Variants in HS3ST5 observed in about 807,000 individuals in gnomAD.
HS3ST5 encodes the protein heparan sulfate glucosamine 3-O-sulfotransferase 5.
HS3ST5 carries 10 observed loss-of-function variants against 25.4 expected under a neutral mutation model. That is an observed-to-expected ratio of 0.39 (90% CI 0.24 to 0.67). HS3ST5 has a LOEUF of 0.67. Ranked by LOEUF, HS3ST5 falls within the 30% of genes least tolerant of loss-of-function variation. The probability of loss-of-function intolerance (pLI) is 0.44; values close to 1 mark genes in which losing one functional copy is unlikely to be tolerated. For synonymous variants in HS3ST5, 170 were observed against 162.4 expected (o/e 1.05, Z -0.36); for missense variants, 324 against 420.7 (o/e 0.77, Z 2.01).
intron 2 of HS3ST5, among the ~76,000 whole-genome samples, chr6:114,214,076 T>C (rs192954072): frequency 2.8e-4 from 43 of 152,352 alleles, no homozygotes; most frequent in African/African-American, 1.0e-3. Flanking sequence ...TCTAACTGCC[T>C]CTTTATGAAG....
chr6:114,090,832 G>A (rs1562192959), intron 3 of HS3ST5, among the ~76,000 whole-genome samples: 1 of 152,180 alleles, frequency 6.6e-6, no homozygotes, highest in East Asian at 1.9e-4. Context: ...CCTGGACGGT[G>A]ACGTGAATTT....
At chr6:114,237,126 T>G (rs569827421) in intron 1 of HS3ST5, among the ~76,000 whole-genome samples, 1 of 152,214 alleles carries the variant, frequency 6.6e-6, no homozygotes, top group African/African-American at 2.4e-5. Context: ...CAAAGACTAA[T>G]GTATTTTTGA....
chr6:114,104,586 T>C (rs1519685), intron 3 of HS3ST5, among the ~76,000 whole-genome samples: 38,088 of 152,090 alleles, frequency 0.25, 4,893 homozygotes, highest in African/African-American at 0.29. Context: ...CTTTACTCGG[T>C]TGTGTTCAGC....
chr6:114,121,645 A>G (rs1776791517), intron 3 of HS3ST5, among the ~76,000 whole-genome samples: 1 of 152,158 alleles, frequency 6.6e-6, no homozygotes, highest in African/African-American at 2.4e-5. Flanking sequence ...TGTTAAAAGA[A>G]TATTTACAAA....
At chr6:114,242,254 A>T (rs1024199591) in intron 1 of HS3ST5, among the ~76,000 whole-genome samples, 1 of 151,970 alleles carries the variant, frequency 6.6e-6, no homozygotes, top group Non-Finnish European at 1.5e-5. Flanking sequence ...AATATTTTGG[A>T]TTTATTTAAT....
intron 2 of HS3ST5, among the ~76,000 whole-genome samples, chr6:114,199,976 G>A (rs1296949853): frequency 1.3e-5 from 2 of 152,172 alleles, no homozygotes; most frequent in Non-Finnish European, 2.9e-5. Context: ...CACTTTGGGA[G>A]GCTAAGGGGG....
At chr6:114,234,431 T>C (rs1771759998) in intron 1 of HS3ST5, among the ~76,000 whole-genome samples, 2 of 151,854 alleles carry the variant, frequency 1.3e-5, no homozygotes, top group South Asian at 4.1e-4. Flanking sequence ...TTTACACTTT[T>C]CCCCTAGAGT....
intron 2 of HS3ST5, among the ~76,000 whole-genome samples, chr6:114,226,904 AAGAG>A (rs925568659): frequency 5.9e-5 from 9 of 152,010 alleles, no homozygotes; most frequent in Non-Finnish European, 1.0e-4. Flanking sequence ...AAAAGAAAGA[AAGAG>A]AGAGATGAGT....
chr6:114,229,647 G>A (rs1018862905), intron 1 of HS3ST5, among the ~76,000 whole-genome samples: 1 of 152,202 alleles, frequency 6.6e-6, no homozygotes, highest in Middle Eastern at 3.2e-3. Flanking sequence ...GTGGTCATGT[G>A]ACCCCACTTT....
intron 1 of HS3ST5, among the ~76,000 whole-genome samples, chr6:114,239,807 T>C (rs961448415): frequency 6.6e-6 from 1 of 152,098 alleles, no homozygotes; most frequent in African/African-American, 2.4e-5. Context: ...AGGTGAACCA[T>C]ATTCTCTGGG....
intron 3 of HS3ST5, among the ~76,000 whole-genome samples, chr6:114,127,171 G>A (rs1479699558): frequency 1.3e-5 from 2 of 152,138 alleles, no homozygotes; most frequent in Non-Finnish European, 2.9e-5. Flanking sequence ...CTGATCATTT[G>A]AGGTCAGGAG....
At chr6:114,128,163 CACCT>C (rs1777143324) in intron 3 of HS3ST5, among the ~76,000 whole-genome samples, 1 of 152,120 alleles carries the variant, frequency 6.6e-6, no homozygotes, top group East Asian at 1.9e-4. Flanking sequence ...TTCTGATATA[CACCT>C]CTGGTTAACC....
chr6:114,258,794 C>T (rs1287767043), intron 1 of HS3ST5, among the ~76,000 whole-genome samples: 1 of 152,140 alleles, frequency 6.6e-6, no homozygotes, highest in Non-Finnish European at 1.5e-5. Flanking sequence ...GGTCTGATCT[C>T]TCCTACTCAT....
At chr6:114,147,144 G>A (rs1296342142) in intron 3 of HS3ST5, among the ~76,000 whole-genome samples, 2 of 152,152 alleles carry the variant, frequency 1.3e-5, no homozygotes, top group Non-Finnish European at 2.9e-5. Context: ...CACATTACCA[G>A]CACAAAAGAG....
At chr6:114,245,067 G>A (rs940424321) in intron 1 of HS3ST5, among the ~76,000 whole-genome samples, 1 of 152,156 alleles carries the variant, frequency 6.6e-6, no homozygotes, top group Admixed American at 6.5e-5. Context: ...TGAATCACAA[G>A]GTGGCATCTA....
intron 1 of HS3ST5, among the ~76,000 whole-genome samples, chr6:114,335,323 AT>A (rs943364751): frequency 6.6e-6 from 1 of 151,218 alleles, no homozygotes; most frequent in African/African-American, 2.5e-5. Flanking sequence ...AAAAAAAAAA[AT>A]CTAAGAATAG....
chr6:114,063,381 G>C (rs575409562), intron 3 of HS3ST5, among the ~76,000 whole-genome samples: 11 of 152,208 alleles, frequency 7.2e-5, no homozygotes, highest in Admixed American at 2.0e-4. Context: ...TGGGCACAGT[G>C]GTGGGCCCCT....
At chr6:114,139,415 G>A (rs1295066857) in intron 3 of HS3ST5, among the ~76,000 whole-genome samples, 1 of 152,052 alleles carries the variant, frequency 6.6e-6, no homozygotes, top group African/African-American at 2.4e-5. Flanking sequence ...AAAGATGAGG[G>A]AGGAGGCAGA....
intron 1 of HS3ST5, among the ~76,000 whole-genome samples, chr6:114,328,421 C>A (rs1776259867): frequency 6.6e-6 from 1 of 152,206 alleles, no homozygotes; most frequent in African/African-American, 2.4e-5. Context: ...CACTGACACA[C>A]AATCCCAGAA....
Sources: gnomAD v4.1 joint callset for allele counts (sites outside exome capture counted in the v4.1 genomes callset) on GRCh38, gnomAD v4.1.1 for gene constraint, MANE v1.5 for transcripts, NCBI Gene and HGNC (gene_info 2026-07-23, HGNC 2026-07-21) for gene names.